PPARG: variants seen among roughly 807,000 people sequenced by gnomAD.
The protein encoded by PPARG is peroxisome proliferator-activated receptor gamma.
In PPARG, 17 loss-of-function variants were observed where a neutral mutation model predicts 39.2. The ratio of observed to expected loss-of-function variants is 0.43; its 90% CI spans 0.30 to 0.65. PPARG has a LOEUF of 0.65. PPARG is among the 30% of genes least tolerant of loss of function. PPARG has a pLI of 0.13. For synonymous variants in PPARG, 223 were observed against 215.7 expected (o/e 1.03, Z -0.30); for missense variants, 406 against 585.9 (o/e 0.69, Z 3.17).
At chr3:12,340,845 A>G (rs964596483) in intron 2 of PPARG, among the ~76,000 whole-genome samples, 11 of 152,180 alleles carry the variant, frequency 7.2e-5, no homozygotes, top group Admixed American at 5.9e-4. Flanking sequence ...ACCAAAGCAT[A>G]AGTTATATTA....
intron 4 of PPARG, among the ~76,000 whole-genome samples, chr3:12,388,396 G>C (rs530140238): frequency 1.3e-5 from 2 of 152,234 alleles, no homozygotes. Flanking sequence ...CCCCATGATA[G>C]ATGCCCAGAG....
intron 5 of PPARG, among the ~76,000 whole-genome samples, chr3:12,395,996 C>T (rs2050243347): frequency 6.6e-6 from 1 of 152,156 alleles, no homozygotes; most frequent in East Asian, 1.9e-4. Flanking sequence ...GATAATGTTG[C>T]TTCTTTAGTC....
At chr3:12,356,137 A>G (rs554164663) in intron 2 of PPARG, among the ~76,000 whole-genome samples, 30 of 152,306 alleles carry the variant, frequency 2.0e-4, no homozygotes, top group Non-Finnish European at 3.1e-4. Context: ...ATATCCATCT[A>G]CTAGTGCTGA....
chr3:12,335,460 A>G (rs993025956), intron 2 of PPARG, among the ~76,000 whole-genome samples: 1 of 152,168 alleles, frequency 6.6e-6, no homozygotes. Context: ...GCATTTTTAG[A>G]GTGTGGTTCC....
At chr3:12,427,971 A>G (rs1333998551) in intron 7 of PPARG, among the ~76,000 whole-genome samples, 1 of 152,192 alleles carries the variant, frequency 6.6e-6, no homozygotes, top group Non-Finnish European at 1.5e-5. Flanking sequence ...AGTCTCTATC[A>G]GAGAGCCAAT....
intron 7 of PPARG, 107 bp from the exon 8 acceptor site, chr3:12,433,790 CA>C: frequency 2.0e-6 from 3 of 1,535,346 alleles, no homozygotes; most frequent in Non-Finnish European, 2.7e-6. Context: ...CAAAACAAAC[CA>C]AAAATACAGA....
chr3:12,302,477 T>C (rs2046952573), intron 1 of PPARG, among the ~76,000 whole-genome samples: 1 of 152,160 alleles, frequency 6.6e-6, no homozygotes, highest in African/African-American at 2.4e-5. Flanking sequence ...ACCATTGGAT[T>C]GTACACACTT....
chr3:12,344,178 A>G (rs528552887), intron 2 of PPARG, among the ~76,000 whole-genome samples: 1 of 152,276 alleles, frequency 6.6e-6, no homozygotes, highest in South Asian at 2.1e-4. Context: ...CAGAATTTTT[A>G]TAAAGTCTAG....
intron 2 of PPARG, among the ~76,000 whole-genome samples, chr3:12,361,266 C>G (rs1002317291): frequency 4.6e-5 from 7 of 152,190 alleles, no homozygotes; most frequent in African/African-American, 1.7e-4. Flanking sequence ...GGTAAACGTT[C>G]TAAAGCATAC....
intron 6 of PPARG, among the ~76,000 whole-genome samples, chr3:12,415,618 T>G (rs1320494865): frequency 6.6e-6 from 1 of 152,230 alleles, no homozygotes; most frequent in Non-Finnish European, 1.5e-5. Context: ...CTTGAATAAT[T>G]GGGGCATGTA....
intron 2 of PPARG, among the ~76,000 whole-genome samples, chr3:12,318,439 A>G (rs1315840845): frequency 6.6e-6 from 1 of 152,236 alleles, no homozygotes; most frequent in Non-Finnish European, 1.5e-5. Flanking sequence ...GATAAGTTCA[A>G]ATCAGTTTTT....
intron 3 of PPARG, 124 bp from the exon 4 acceptor site, chr3:12,381,198 C>T: frequency 1.0e-6 from 1 of 977,274 alleles, no homozygotes; most frequent in Admixed American, 2.1e-5. Context: ...TTTCATGTTC[C>T]ACTGTGCTTT....
chr3:12,375,060 C>T (rs2049358297), intron 2 of PPARG, among the ~76,000 whole-genome samples: 1 of 152,082 alleles, frequency 6.6e-6, no homozygotes, highest in South Asian at 2.1e-4. Flanking sequence ...CAATGTAATA[C>T]ACGACCCCTA....
intron 2 of PPARG, among the ~76,000 whole-genome samples, chr3:12,320,535 T>C (rs1336918912): frequency 1.3e-5 from 2 of 152,170 alleles, no homozygotes; most frequent in Admixed American, 6.5e-5. Flanking sequence ...TATATTACTA[T>C]AAGAAATATA....
chr3:12,380,405 C>T (rs180720694), intron 3 of PPARG, among the ~76,000 whole-genome samples: 182 of 152,216 alleles, frequency 1.2e-3, no homozygotes, highest in African/African-American at 4.3e-3. Flanking sequence ...CTTTTAAGCA[C>T]AAATTTGTTT....
At chr3:12,382,475 CT>C in intron 4 of PPARG, among the ~76,000 whole-genome samples, 1 of 152,024 alleles carries the variant, frequency 6.6e-6, no homozygotes, top group East Asian at 1.9e-4. Context: ...AAATAAATAC[CT>C]GCTTATTGGG....
chr3:12,290,615 A>G (rs1372081397), intron 1 of PPARG, among the ~76,000 whole-genome samples: 1 of 152,120 alleles, frequency 6.6e-6, no homozygotes, highest in Non-Finnish European at 1.5e-5. Context: ...TGACATGAGG[A>G]ATATGAATTA....
chr3:12,322,518 C>T (rs1056508805), intron 2 of PPARG, among the ~76,000 whole-genome samples: 2 of 152,150 alleles, frequency 1.3e-5, no homozygotes, highest in Admixed American at 6.5e-5. Context: ...AGAAGATACA[C>T]GTGCAGAACT....
intron 4 of PPARG, 84 bp from the exon 5 acceptor site, chr3:12,392,530 C>G: frequency 6.6e-7 from 1 of 1,509,836 alleles, no homozygotes; most frequent in Non-Finnish European, 9.2e-7. Flanking sequence ...TTCTGATTCC[C>G]AGGCCAGTAT....
Sources: allele counts gnomAD v4.1 joint callset (sites outside exome capture counted in the v4.1 genomes callset), GRCh38; gene constraint gnomAD v4.1.1; transcripts MANE v1.5; gene names NCBI Gene and HGNC (gene_info 2026-07-23, HGNC 2026-07-21).